NAALADL2: variants seen among roughly 807,000 people sequenced by gnomAD.
The protein encoded by NAALADL2 is N-acetylated alpha-linked acidic dipeptidase like 2.
In NAALADL2, 76 loss-of-function variants were observed where a neutral mutation model predicts 87.2. The ratio of observed to expected loss-of-function variants is 0.87; its 90% CI spans 0.72 to 1.05. The LOEUF (loss-of-function observed/expected upper bound fraction) is 1.05. NAALADL2 is among the 50% of genes least tolerant of loss of function. The probability of loss-of-function intolerance (pLI) is 0.00; values close to 1 mark genes in which losing one functional copy is unlikely to be tolerated. For synonymous variants in NAALADL2, 354 were observed against 331.0 expected, an observed-to-expected ratio of 1.07 and a Z score of -0.75; for missense variants, 1,089 against 945.8, an observed-to-expected ratio of 1.15 and a Z score of -1.99.
intron 5 of NAALADL2, among the ~76,000 whole-genome samples, chr3:175,341,930 T>C (rs1762604240): frequency 6.6e-6 from 1 of 152,102 alleles, no homozygotes; most frequent in African/African-American, 2.4e-5. Context: ...AAGATTATTC[T>C]TTTCCCATTG....
chr3:174,997,369 T>G lies in NAALADL2; in HGVS notation c.44-99421T>G, dbSNP rs74483220. ...TTGACTTTTTAATTATGAGTCTTCA[T>G]TATTAAGAGAGTTCATTCCAAGGTC... On this transcript the variant is annotated intron_variant, in intron 1 of 13. Coordinates refer to ENST00000454872, the MANE Select transcript of NAALADL2 (RefSeq NM_207015.3). Among the ~76,000 whole-genome samples the G allele has an allele frequency of 6.4e-3, 973 of 152,282 alleles. 3 individuals are homozygous for G. The highest frequency in any genetic ancestry group is 0.02 in the African/African-American group (838 of 41,568).
chr3:175,252,178 G>A (rs1642223248), intron 3 of NAALADL2, among the ~76,000 whole-genome samples: 1 of 152,176 alleles, frequency 6.6e-6, no homozygotes, highest in Non-Finnish European at 1.5e-5. Flanking sequence ...CACAGATACT[G>A]TGTTTTCAAC....
intron 1 of NAALADL2, among the ~76,000 whole-genome samples, chr3:175,035,135 G>A (rs1215507081): frequency 3.3e-5 from 5 of 152,134 alleles, no homozygotes; most frequent in Non-Finnish European, 7.4e-5. Flanking sequence ...ATACTCAACT[G>A]GATCTGTGGG....
At chr3:174,849,061 T>A (rs1290733550) in intron 3 of NAALADL2, among the ~76,000 whole-genome samples, 1 of 152,128 alleles carries the variant, frequency 6.6e-6, no homozygotes, top group African/African-American at 2.4e-5. Context: ...AAATGGTACA[T>A]CTCTGTAGGG....
chr3:175,385,059 G>A (rs1025654055), intron 5 of NAALADL2, among the ~76,000 whole-genome samples: 8 of 151,996 alleles, frequency 5.3e-5, no homozygotes, highest in African/African-American at 1.7e-4. Context: ...AACTTTGAGT[G>A]TAGTTATTAT....
At chr3:174,921,694 A>G (rs2108356850) in intron 1 of NAALADL2, among the ~76,000 whole-genome samples, 1 of 151,738 alleles carries the variant, frequency 6.6e-6, no homozygotes, top group East Asian at 2.0e-4. Flanking sequence ...AGTCCCAGCT[A>G]CTTGAGAGGC....
intron 3 of NAALADL2, among the ~76,000 whole-genome samples, chr3:174,765,921 A>C (rs1171845922): frequency 6.6e-6 from 1 of 152,162 alleles, no homozygotes; most frequent in Non-Finnish European, 1.5e-5. Context: ...CTCTATGAGT[A>C]ATTGACTGTT....
chr3:174,841,203 A>G (rs182904432), intron 3 of NAALADL2, among the ~76,000 whole-genome samples: 3 of 152,188 alleles, frequency 2.0e-5, no homozygotes, highest in Non-Finnish European at 2.9e-5. Flanking sequence ...ACTTTTCTTC[A>G]TACTTCATGA....
chr3:174,682,791 A>C (rs1237980286), intron 2 of NAALADL2, among the ~76,000 whole-genome samples: 1 of 152,216 alleles, frequency 6.6e-6, no homozygotes, highest in Non-Finnish European at 1.5e-5. Flanking sequence ...AAAGATGGGT[A>C]CAACCAAGTC....
chr3:174,802,329 G>T (rs1273203489), intron 3 of NAALADL2, among the ~76,000 whole-genome samples: 1 of 151,904 alleles, frequency 6.6e-6, no homozygotes, highest in Non-Finnish European at 1.5e-5. Context: ...TGTGATAAAT[G>T]CTATAAATAA....
chr3:175,024,194 A>G (rs549761306), intron 1 of NAALADL2, among the ~76,000 whole-genome samples: 1 of 152,170 alleles, frequency 6.6e-6, no homozygotes, highest in East Asian at 1.9e-4. Context: ...TATATATTAT[A>G]TTTATGTAAT....
intron 3 of NAALADL2, among the ~76,000 whole-genome samples, chr3:174,777,204 T>G (rs34930978): frequency 0.014 from 2,089 of 152,208 alleles, 17 homozygotes; most frequent in Non-Finnish European, 0.023. Context: ...ATACATTAAA[T>G]CAGCAGAATA....
intron 1 of NAALADL2, among the ~76,000 whole-genome samples, chr3:174,957,432 T>C (rs913374174): frequency 6.6e-6 from 1 of 152,000 alleles, no homozygotes; most frequent in African/African-American, 2.4e-5. Context: ...GAGATACCTG[T>C]TTTGATTTTG....
rs370411615 is a variant in NAALADL2, at chr3:174,998,905, C to T, written c.44-97885C>T. Among the ~76,000 whole-genome samples, 7 of 152,222 alleles carry T rather than the reference C, an allele frequency of 4.6e-5. No homozygotes were observed. The East Asian group carries it at 1.3e-3, about 29-fold the overall frequency. On this transcript the variant is annotated intron_variant, in intron 1 of 13. Transcript: ENST00000454872. ...TCTGTTAGCAGTAGTGAAGAATAAT[C>T]ATCTATTAGAAGAATTAAAACTATC...
intron 13 of NAALADL2, among the ~76,000 whole-genome samples, chr3:175,761,828 C>T (rs1748055619): frequency 6.6e-6 from 1 of 152,010 alleles, no homozygotes; most frequent in South Asian, 2.1e-4. Context: ...AGCTCTTTCG[C>T]CCATTTTTAA....
intron 3 of NAALADL2, among the ~76,000 whole-genome samples, chr3:174,839,430 T>G (rs2109412770): frequency 6.6e-6 from 1 of 152,210 alleles, no homozygotes; most frequent in South Asian, 2.1e-4. Flanking sequence ...AGAGATTGGC[T>G]TAGGGAAGGA....
At chr3:175,771,721 A>G (rs962036045) in intron 13 of NAALADL2, among the ~76,000 whole-genome samples, 26 of 152,330 alleles carry the variant, frequency 1.7e-4, no homozygotes, top group African/African-American at 6.3e-4. Flanking sequence ...TTCACATAAT[A>G]CAGGATAATC....
At chr3:174,523,544 T>C (rs1720462552) in intron 1 of NAALADL2, 2 of 152,156 alleles carry the variant, frequency 1.3e-5, no homozygotes, top group Admixed American at 1.3e-4. Context: ...TTTCCTGTAA[T>C]AAAGGTATGT....
intron 5 of NAALADL2, among the ~76,000 whole-genome samples, chr3:175,379,856 G>A (rs1306647250): frequency 1.3e-5 from 2 of 152,118 alleles, no homozygotes; most frequent in African/African-American, 4.8e-5. Context: ...AAATTTTGTA[G>A]AATGCCACAG....
Sources: allele counts gnomAD v4.1 joint callset (sites outside exome capture counted in the v4.1 genomes callset), GRCh38; gene constraint gnomAD v4.1.1; transcripts MANE v1.5; gene names NCBI Gene and HGNC (gene_info 2026-07-23, HGNC 2026-07-21).